DENND1A: variants seen among roughly 807,000 people sequenced by gnomAD.
DENND1A encodes the protein DENN domain containing 1A, also known as DENN domain-containing protein 1A.
Under a neutral mutation model 113.7 loss-of-function variants are expected in DENND1A, and 51 were observed. That is an observed-to-expected ratio of 0.45 (90% CI 0.36 to 0.57). The LOEUF (loss-of-function observed/expected upper bound fraction) is 0.57. Ranked by LOEUF, DENND1A falls within the 20% of genes least tolerant of loss-of-function variation. The pLI is 0.00. For missense variants in DENND1A, 1,258 were observed against 1,395.9 expected, an observed-to-expected ratio of 0.90 and a Z score of 1.57; for synonymous variants, 565 against 570.8, an observed-to-expected ratio of 0.99 and a Z score of 0.14.
intron 3 of DENND1A, among the ~76,000 whole-genome samples, chr9:123,788,620 T>C (rs1832547648): frequency 6.6e-6 from 1 of 152,136 alleles, no homozygotes; most frequent in African/African-American, 2.4e-5. Context: ...ATTTTTTTCT[T>C]ACTTTTAATG....
intron 11 of DENND1A, among the ~76,000 whole-genome samples, chr9:123,603,485 G>A (rs1589309328): frequency 6.6e-6 from 1 of 152,182 alleles, no homozygotes; most frequent in Admixed American, 6.5e-5. Context: ...GCACTTGTAT[G>A]TTTGAAAAAC....
intron 18 of DENND1A, among the ~76,000 whole-genome samples, chr9:123,447,487 CT>C (rs2047390804): frequency 6.6e-6 from 1 of 152,134 alleles, no homozygotes; most frequent in Non-Finnish European, 1.5e-5. Flanking sequence ...GAGATGGACC[CT>C]CCATACATCA....
At position 123,381,011 on chromosome 9, in the gene DENND1A, G is replaced by C; in HGVS notation, c.*421C>G. On this transcript the variant is annotated 3_prime_UTR_variant, in exon 24 of 24. Coordinates refer to ENST00000394215, the MANE Select transcript of DENND1A (RefSeq NM_001352964.2). This position sits in a 1 kb window ranked among gnomAD's most constrained non-coding sequence, Gnocchi z 4.7. ...GGGTAACCCTGTCACCTGTGTCCGA[G>C]GAGGTGGGCGTGCAGGGCCTGGCTG... is the stretch of plus-strand genomic sequence containing the variant. The C allele has an allele frequency of 4.9e-6, 1 of 205,266 alleles. No individual in the cohort carries two copies. Among genetic ancestry groups the C allele is most frequent in the Non-Finnish European group, 9.9e-6 (1 of 101,196 alleles). 12.7% of individuals were successfully genotyped at this position (205,266 alleles called of 1,614,324 possible).
chr9:123,413,946 C>T (rs2044514052), intron 19 of DENND1A: 1 of 987,804 alleles, frequency 1.0e-6, no homozygotes, highest in African/African-American at 1.7e-5. Flanking sequence ...AGCTCTCCTA[C>T]ACCACTCCCC....
chr9:123,573,038 T>A (rs2416908), intron 12 of DENND1A, among the ~76,000 whole-genome samples: 65,100 of 151,926 alleles, frequency 0.43, 14,443 homozygotes, highest in African/African-American at 0.54. Context: ...TTTGTTGGAA[T>A]AAAAGATCCC....
chr9:123,495,141 T>TTCTCTCTCTCTCTCTCTCTCTC lies in DENND1A; in HGVS notation c.994-37266_994-37245dup, dbSNP rs56390148. Among the ~76,000 whole-genome samples, 781 of 140,552 alleles carry TTCTCTCTCTCTCTCTCTCTCTC rather than the reference T, an allele frequency of 5.6e-3. 31 individuals are homozygous for TTCTCTCTCTCTCTCTCTCTCTC. The highest frequency in any genetic ancestry group is 0.014 in the Middle Eastern group (4 of 278). 92.2% of individuals were successfully genotyped at this position (140,552 alleles called of 152,430 possible). A position where few individuals can be genotyped will look rare whatever the true frequency, so the allele number is the denominator to read the frequency against. On this transcript the variant is annotated intron_variant, in intron 13 of 23. Coordinates refer to ENST00000394215, the MANE Select transcript of DENND1A (RefSeq NM_001352964.2). The stretch of plus-strand genomic sequence containing the variant: ...TCTATTATGACCCATCATTGTCTCT[T>TTCTCTCTCTCTCTCTCTCTCTC]TCTCTCTCTCTCTCTCTCTCTCTCT...
At chr9:123,861,659 T>C (rs1845069190) in intron 2 of DENND1A, among the ~76,000 whole-genome samples, 2 of 152,046 alleles carry the variant, frequency 1.3e-5, no homozygotes, top group South Asian at 2.1e-4. Flanking sequence ...CACAAAACAA[T>C]AGAAGAAAAA....
chr9:123,398,437 C>T (rs1233643792), intron 21 of DENND1A, among the ~76,000 whole-genome samples: 5 of 151,898 alleles, frequency 3.3e-5, no homozygotes, highest in East Asian at 1.9e-4. Flanking sequence ...TGCAGTGGTG[C>T]GATCTCGGCT....
intron 13 of DENND1A, among the ~76,000 whole-genome samples, chr9:123,481,797 C>CTTTTT (rs199644080): frequency 4.3e-5 from 6 of 138,150 alleles, no homozygotes; most frequent in African/African-American, 5.3e-5. Context: ...TTCTTTCTTT[C>CTTTTT]TTTTTTTTTT....
intron 11 of DENND1A, among the ~76,000 whole-genome samples, chr9:123,585,797 T>C (rs2059135502): frequency 6.6e-6 from 1 of 152,152 alleles, no homozygotes; most frequent in Non-Finnish European, 1.5e-5. Context: ...CAAGGTTATG[T>C]GTCTATTAAA....
At chr9:123,928,558 T>G in intron 1 of DENND1A, 12 of 985,372 alleles carry the variant, frequency 1.2e-5, no homozygotes, top group Non-Finnish European at 1.4e-5. Flanking sequence ...AATAAAGATT[T>G]AACAGAGTGT....
At chr9:123,673,926 C>T (rs996833380) in intron 6 of DENND1A, among the ~76,000 whole-genome samples, 3 of 152,036 alleles carry the variant, frequency 2.0e-5, no homozygotes, top group African/African-American at 7.2e-5. Context: ...AGATGCCCTC[C>T]CTTCCCTCCC....
intron 9 of DENND1A, among the ~76,000 whole-genome samples, chr9:123,650,779 T>C (rs1663429240): frequency 6.6e-6 from 1 of 151,840 alleles, no homozygotes; most frequent in Non-Finnish European, 1.5e-5. Flanking sequence ...AGGTGGTATG[T>C]GCCTGTAACC....
intron 4 of DENND1A, among the ~76,000 whole-genome samples, chr9:123,768,816 CTA>C (rs1402050681): frequency 6.7e-6 from 1 of 148,924 alleles, no homozygotes; most frequent in Non-Finnish European, 1.5e-5. Flanking sequence ...AAAAACTCCT[CTA>C]AAATTCTTAT....
intron 13 of DENND1A, among the ~76,000 whole-genome samples, chr9:123,539,004 G>A (rs116855746): frequency 0.037 from 5,676 of 151,456 alleles, 152 homozygotes; most frequent in Non-Finnish European, 0.054. Flanking sequence ...CTAACACTGA[G>A]TAAATATTAA....
intron 10 of DENND1A, among the ~76,000 whole-genome samples, chr9:123,621,422 A>G (rs998994744): frequency 6.6e-6 from 1 of 152,072 alleles, no homozygotes; most frequent in South Asian, 2.1e-4. Context: ...CTTGGCCCCA[A>G]GTGATCCACC....
chr9:123,583,174 C>T lies in DENND1A; in HGVS notation c.862G>A (p.Asp288Asn), dbSNP rs147566976. 4 of 1,608,370 alleles carry T rather than the reference C, an allele frequency of 2.5e-6. No individual in the cohort carries two copies. The highest frequency in any genetic ancestry group is 2.5e-6 in the Non-Finnish European group (3 of 1,176,644). Reference sequence around the variant, plus strand: ...CTCGCAAGCTCATTACCTACCACGTCGTTTGGGAGGCTCTGGAGGTCATCG... The same window carrying T: ...CTCGCAAGCTCATTACCTACCACGTTGTTTGGGAGGCTCTGGAGGTCATCG... The part of the protein sequence containing the change: ...PFDDLQSLPN[D>N]VISSLKNRLK... Residue 288 changes from aspartate (D) to asparagine (N), a missense_variant, in exon 12 of 24, where the codon GAC (aspartate) becomes AAC (asparagine). Physicochemically the swap from Asp to Asn is conservative, Grantham distance 23. Transcript: ENST00000394215.
At chr9:123,670,078 A>G (rs994351104) in intron 7 of DENND1A, among the ~76,000 whole-genome samples, 2 of 152,236 alleles carry the variant, frequency 1.3e-5, no homozygotes, top group Non-Finnish European at 2.9e-5. Flanking sequence ...AATATTAGAG[A>G]TACATATTTA....
At chr9:123,390,116 T>C (rs1395551129) in intron 21 of DENND1A, among the ~76,000 whole-genome samples, 2 of 152,264 alleles carry the variant, frequency 1.3e-5, no homozygotes, top group Admixed American at 6.5e-5. Context: ...TCCCTGGCTG[T>C]GCCTCTTCGC....
Sources: gnomAD v4.1 joint callset for allele counts (sites outside exome capture counted in the v4.1 genomes callset) on GRCh38, gnomAD v4.1.1 for gene constraint, Gnocchi (gnomAD v3.1) non-coding constraint, MANE v1.5 for transcripts, NCBI Gene and HGNC (gene_info 2026-07-23, HGNC 2026-07-21) for gene names.